ANK2: variants seen among roughly 807,000 people sequenced by gnomAD.
The protein encoded by ANK2 is ankyrin 2, also known as ankyrin-2.
A neutral mutation model predicts 360.5 loss-of-function variants in ANK2; 83 were observed. That is an observed-to-expected ratio of 0.23 (90% confidence interval 0.19 to 0.28). The LOEUF (loss-of-function observed/expected upper bound fraction) is 0.28, where lower values mean the gene tolerates loss of function less well. ANK2 is among the 10% of genes least tolerant of loss of function. The pLI, the probability that ANK2 is intolerant of heterozygous loss-of-function variation, is 1.00. For missense variants in ANK2, 4,201 were observed against 4,795.7 expected, an observed-to-expected ratio of 0.88 and a Z score of 3.66; for synonymous variants, 1,740 against 1,759.5, an observed-to-expected ratio of 0.99 and a Z score of 0.28.
At chr4:113,351,555 A>G (rs34316658) in intron 37 of ANK2, among the ~76,000 whole-genome samples, 11,498 of 152,208 alleles carry the variant, frequency 0.076, 615 homozygotes, top group Middle Eastern at 0.17. Flanking sequence ...TTTATATGAC[A>G]TATCACATTG....
intron 26 of ANK2, among the ~76,000 whole-genome samples, chr4:113,328,162 A>G (rs139818098): frequency 1.3e-5 from 2 of 152,342 alleles, no homozygotes; most frequent in East Asian, 3.9e-4. Flanking sequence ...AGGTATAAAT[A>G]GTACTGAGGA....
rs200594789 is a variant in ANK2, at chr4:113,062,031, TA to T, written c.84+12228del. 8.0e-3 allele frequency among the ~76,000 whole-genome samples: 1,211 copies of T among 151,538 alleles called. 19 individuals are homozygous for T. The highest frequency in any genetic ancestry group is 0.027 in the African/African-American group (1,115 of 41,422). On this transcript the variant is annotated intron_variant, in intron 1 of 45. Transcript: ENST00000357077. ...AATTAAAAAAATTTTGAAAAGCAAC[TA>T]AAAAAAAATTGCTGTTGCCATAGAA...
At chr4:112,714,831 A>G in the ANK2 span, among the ~76,000 whole-genome samples, 3 of 152,254 alleles carry the variant, frequency 2.0e-5, no homozygotes, top group Non-Finnish European at 4.4e-5. Context: ...ATTATGGTAT[A>G]TTAAGGAGCT....
chr4:112,975,544 A>G (rs2041099230), intron 2 of ANK2, among the ~76,000 whole-genome samples: 2 of 152,242 alleles, frequency 1.3e-5, no homozygotes, highest in South Asian at 4.1e-4. Context: ...AACTGAAGGA[A>G]ATAAATCAAA....
At chr4:113,015,611 G>A (rs2056391060) in intron 2 of ANK2, among the ~76,000 whole-genome samples, 1 of 152,162 alleles carries the variant, frequency 6.6e-6, no homozygotes, top group Admixed American at 6.5e-5. Context: ...ATGGGTTGTA[G>A]GATGACATTG....
chr4:113,345,882 A>ATG lies in ANK2; in HGVS notation c.4249-16_4249-15dup, dbSNP rs1161946314. ...CAAATCAAATGTGGGTGAAGCATGTATGTCTTTCTTGTTCAAGGTACGCGA... is the reference window on the plus strand; with the variant it reads ...CAAATCAAATGTGGGTGAAGCATGTATGTGTCTTTCTTGTTCAAGGTACGCGA... On this transcript the variant is annotated splice_polypyrimidine_tract_variant and intron_variant, in intron 34 of 45. Coordinates refer to ENST00000357077, the MANE Select transcript of ANK2 (RefSeq NM_001148.6). The ATG allele has an allele frequency of 2.5e-6, 4 of 1,613,040 alleles. No individual in the cohort carries two copies. The African/African-American group carries it at 5.3e-5, about 22-fold the overall frequency.
intron 2 of ANK2, among the ~76,000 whole-genome samples, chr4:112,942,376 T>C (rs1249847453): frequency 5.9e-5 from 9 of 152,084 alleles, no homozygotes. Flanking sequence ...AGAATGAAAG[T>C]TAAGTTTATG....
At chr4:113,118,665 G>A (rs1582116878) in intron 1 of ANK2, among the ~76,000 whole-genome samples, 1 of 152,096 alleles carries the variant, frequency 6.6e-6, no homozygotes, top group Admixed American at 6.6e-5. Flanking sequence ...TTAAAAGGCC[G>A]TGTTGTTTCA....
In ANK2 at chr4:113,262,955, C is replaced by T. The variant is rs151204413; in HGVS notation, c.1387-1942C>T. Among the ~76,000 whole-genome samples, 1,425 of 151,534 alleles carry T rather than the reference C, an allele frequency of 9.4e-3. 44 individuals are homozygous for T. Among genetic ancestry groups the T allele is most frequent in the African/African-American group, 0.032 (1,335 of 41,136 alleles). ...CTGTAATCCCAGCACTTTGGGAGGCCGAGGCGGGTGGATCACTAGGTCAGG... is the reference window on the plus strand; with the variant it reads ...CTGTAATCCCAGCACTTTGGGAGGCTGAGGCGGGTGGATCACTAGGTCAGG... On this transcript the variant is annotated intron_variant, in intron 13 of 45. Coordinates refer to ENST00000357077, the MANE Select transcript of ANK2 (RefSeq NM_001148.6).
chr4:112,805,408 G>A, the ANK2 span, among the ~76,000 whole-genome samples: 151 of 152,220 alleles, frequency 9.9e-4, no homozygotes, highest in Non-Finnish European at 1.6e-3. Context: ...AAATGGGCCA[G>A]GCCAACAAGT....
At chr4:113,318,710 G>GA in intron 26 of ANK2, 90 bp downstream of exon 26, 7 of 1,143,540 alleles carry the variant, frequency 6.1e-6, no homozygotes, top group South Asian at 1.3e-5. Flanking sequence ...TTAGCTGGTG[G>GA]CTAGCTTTAC....
At chr4:113,206,423 T>C (rs1158851612) in intron 4 of ANK2, among the ~76,000 whole-genome samples, 1 of 152,250 alleles carries the variant, frequency 6.6e-6, no homozygotes, top group Non-Finnish European at 1.5e-5. Context: ...CATGATCTTA[T>C]TCCTTTTTAT....
rs1216135254 is a variant in ANK2, at chr4:112,893,122, T to C, written c.-39-11333T>C. On this transcript the variant is annotated intron_variant, in intron 1 of 30. Transcript: ENST00000503271. ...AAATGTTAACTTCAATTTTCTCAGA[T>C]GCAAAACGAAGATAACACTACTTTA... Among the ~76,000 whole-genome samples the C allele has an allele frequency of 3.9e-5, 6 of 152,300 alleles. No homozygotes were observed. The East Asian group carries it at 9.6e-4, about 24-fold the overall frequency.
intron 1 of ANK2, among the ~76,000 whole-genome samples, chr4:113,123,868 T>C (rs1333879542): frequency 6.6e-6 from 1 of 152,192 alleles, no homozygotes; most frequent in African/African-American, 2.4e-5. Context: ...ATAATCAGTA[T>C]GACTCTAATT....
intron 2 of ANK2, among the ~76,000 whole-genome samples, chr4:112,967,964 T>C (rs2037975961): frequency 6.6e-6 from 1 of 152,212 alleles, no homozygotes; most frequent in South Asian, 2.1e-4. Context: ...TACAGACATC[T>C]TTTTTCCTGG....
At chr4:112,962,600 G>T (rs960624414) in intron 2 of ANK2, among the ~76,000 whole-genome samples, 2 of 152,116 alleles carry the variant, frequency 1.3e-5, no homozygotes, top group African/African-American at 2.4e-5. Context: ...TCTGTTTTAA[G>T]TCCTTTTAGA....
chr4:113,075,805 T>C (rs1278548417), intron 1 of ANK2, among the ~76,000 whole-genome samples: 2 of 152,248 alleles, frequency 1.3e-5, no homozygotes, highest in African/African-American at 4.8e-5. Flanking sequence ...AACATTCCTT[T>C]TCCCAAATCG....
At chr4:112,885,923 A>G (rs533612672) in intron 1 of ANK2, among the ~76,000 whole-genome samples, 34 of 152,052 alleles carry the variant, frequency 2.2e-4, no homozygotes, top group African/African-American at 8.2e-4. Context: ...TAAAAGGAAG[A>G]TATATACATG....
intron 2 of ANK2, among the ~76,000 whole-genome samples, chr4:112,943,890 G>A (rs2094395753): frequency 6.6e-6 from 1 of 152,080 alleles, no homozygotes; most frequent in South Asian, 2.1e-4. Flanking sequence ...TTTTAATTAA[G>A]AAAGCAGAGT....
Sources: gnomAD v4.1 joint callset for allele counts (sites outside exome capture counted in the v4.1 genomes callset) on GRCh38, gnomAD v4.1.1 for gene constraint, MANE v1.5 for transcripts, NCBI Gene and HGNC (gene_info 2026-07-23, HGNC 2026-07-21) for gene names.